The following SMC5 variants were observed in gnomAD, a reference collection of about 807,000 sequenced individuals.
SMC5 encodes structural maintenance of chromosomes 5.
Under a neutral mutation model 148.3 loss-of-function variants are expected in SMC5, and 88 were observed. The observed-to-expected ratio is 0.59, with a 90% confidence interval of 0.50 to 0.71. The LOEUF (loss-of-function observed/expected upper bound fraction) is 0.71, where lower values mean the gene tolerates loss of function less well. Among genes scored for constraint, SMC5 ranks in the 30% least tolerant of loss-of-function variants. SMC5 has a pLI of 0.00. For missense variants in SMC5, 1,142 were observed against 1,298.9 expected, an observed-to-expected ratio of 0.88 and a Z score of 1.86; for synonymous variants, 421 against 432.8, an observed-to-expected ratio of 0.97 and a Z score of 0.34.
intron 13 of SMC5, among the ~76,000 whole-genome samples, chr9:70,317,555 A>G (rs2035835557): frequency 6.6e-6 from 1 of 152,106 alleles, no homozygotes; most frequent in African/African-American, 2.4e-5. Context: ...AATATGTCTT[A>G]CTTCTTCACT....
Position 70,352,470 on chromosome 9 carries a change from T to C in SMC5, c.*139T>C, listed in dbSNP as rs1470116586. 2 of 814,310 alleles carry C rather than the reference T, an allele frequency of 2.5e-6. No individual in the cohort carries two copies. Among genetic ancestry groups the C allele is most frequent in the African/African-American group, 3.4e-5 (2 of 58,054 alleles). The allele number at this position is 814,310 out of a possible 1,614,324, so 50.4% of individuals were successfully genotyped here. A position where few individuals can be genotyped will look rare whatever the true frequency, so the allele number is the denominator to read the frequency against. ...CTGCTTTTAAATACAAATAGGTTGA[T>C]AATGGAAACTATAATGACCTTTCCA... On this transcript the variant is annotated 3_prime_UTR_variant, in exon 25 of 25. Coordinates refer to ENST00000361138, the MANE Select transcript of SMC5 (RefSeq NM_015110.4).
chr9:70,323,539 G>A lies in SMC5; in HGVS notation c.2207G>A (p.Ser736Asn). Residue 736 changes from serine to asparagine, a missense_variant, in exon 16 of 25, where the codon AGT (serine) becomes AAT (asparagine). Coordinates refer to ENST00000361138, the MANE Select transcript of SMC5 (RefSeq NM_015110.4). The stretch of plus-strand genomic sequence containing the variant: ...CTTGAAGAGGAAGAGCGAAAAGCAA[G>A]TACCAAAATCAAAGAAATAAATGTT... ...CNLEEEERKA[S>N]TKIKEINVQK... The A allele has an allele frequency of 6.2e-7, 1 of 1,612,388 alleles. No individual in the cohort carries two copies. The highest frequency in any genetic ancestry group is 8.5e-7 in the Non-Finnish European group (1 of 1,179,474).
intron 11 of SMC5, among the ~76,000 whole-genome samples, chr9:70,306,790 T>C (rs114086204): frequency 1.2e-3 from 181 of 152,324 alleles, no homozygotes; most frequent in African/African-American, 4.1e-3. Flanking sequence ...TTTTCATAGC[T>C]GCTCATCAGA....
chr9:70,259,275 G>C lies in SMC5; in HGVS notation c.185+12G>C, dbSNP rs766505091. ...ATGGAGAACTTCCTGTAAGTTGCCCGGAGGCCGCGCCGCGGGTGTGGAGGT... is the reference window on the plus strand; with the variant it reads ...ATGGAGAACTTCCTGTAAGTTGCCCCGAGGCCGCGCCGCGGGTGTGGAGGT... On this transcript the variant is annotated intron_variant, in intron 1 of 24. Coordinates refer to ENST00000361138, the MANE Select transcript of SMC5 (RefSeq NM_015110.4). 1 of 1,561,956 alleles carries C rather than the reference G, an allele frequency of 6.4e-7. No individual in the cohort carries two copies. The highest frequency in any genetic ancestry group is 8.7e-7 in the Non-Finnish European group (1 of 1,152,118).
At chr9:70,296,861 C>G (rs563633555) in intron 8 of SMC5, among the ~76,000 whole-genome samples, 9 of 152,112 alleles carry the variant, frequency 5.9e-5, no homozygotes, top group Admixed American at 3.9e-4. Flanking sequence ...AAAAATTTCA[C>G]TGACATCAAG....
At position 70,347,633 on chromosome 9, in the gene SMC5, AAG is replaced by A; in HGVS notation, c.2689_2690del (p.Glu897ArgfsTer8). 1 of 1,574,090 alleles carries A rather than the reference AAG, an allele frequency of 6.4e-7. No individual in the cohort carries two copies. The highest frequency in any genetic ancestry group is 8.6e-7 in the Non-Finnish European group (1 of 1,164,294). On this transcript the variant is annotated frameshift_variant, in exon 21 of 25. Coordinates refer to ENST00000361138, the MANE Select transcript of SMC5 (RefSeq NM_015110.4). LOFTEE classifies it high-confidence loss of function. ...NPTIVQEYTK[R>X]EEEIEQLTEE... Reference sequence around the variant, plus strand: ...GCCAGATTGTTCAGGAATATACAAAAAGAGAAGAAGAAATAGAACAGTTAACT... The same window carrying A: ...GCCAGATTGTTCAGGAATATACAAAAAGAAGAAGAAATAGAACAGTTAACT...
intron 8 of SMC5, among the ~76,000 whole-genome samples, chr9:70,295,445 TG>T (rs1339912194): frequency 7.4e-6 from 1 of 135,400 alleles, no homozygotes; most frequent in Non-Finnish European, 1.5e-5. Flanking sequence ...CACTCCAGCC[TG>T]GGTGACAGAG....
At chr9:70,277,162 T>C in intron 3 of SMC5, 148 bp from the exon 4 acceptor site, 2 of 570,052 alleles carry the variant, frequency 3.5e-6, no homozygotes, top group Non-Finnish European at 5.3e-6. Flanking sequence ...CAAAGTTTCC[T>C]TCTTGAGGGG....
chr9:70,354,191 T>A lies in SMC5; in HGVS notation c.*1860T>A, dbSNP rs1312158879. The A allele has an allele frequency of 6.6e-6, 1 of 152,376 alleles. No homozygotes were observed. The highest frequency in any genetic ancestry group is 2.1e-4 in the South Asian group (1 of 4,830). 9.4% of individuals were successfully genotyped at this position (152,376 alleles called of 1,614,324 possible). ...AAACAGTAGTAAGTCTAGCACATAG[T>A]CTCAGCCACTTAAAACAAAAGTTTT... is the stretch of plus-strand genomic sequence containing the variant. On this transcript the variant is annotated 3_prime_UTR_variant, in exon 25 of 25. Transcript: ENST00000361138.
chr9:70,283,633 T>C (rs1292938102), intron 7 of SMC5, among the ~76,000 whole-genome samples: 2 of 152,184 alleles, frequency 1.3e-5, no homozygotes, highest in African/African-American at 4.8e-5. Flanking sequence ...AACCTTTGTG[T>C]ACTGTATACC....
intron 6 of SMC5, 72 bp downstream of exon 6, chr9:70,280,971 T>G: frequency 6.6e-7 from 1 of 1,526,010 alleles, no homozygotes. Context: ...AAAGTATTAG[T>G]TACTGTGTAT....
chr9:70,296,670 G>A (rs2035210516), intron 8 of SMC5, among the ~76,000 whole-genome samples: 1 of 152,120 alleles, frequency 6.6e-6, no homozygotes, highest in Admixed American at 6.5e-5. Context: ...GGAAGGAGAG[G>A]AGTAAATCTG....
chr9:70,291,554 T>C (rs1338120249), intron 8 of SMC5, among the ~76,000 whole-genome samples: 1 of 152,182 alleles, frequency 6.6e-6, no homozygotes, highest in Non-Finnish European at 1.5e-5. Flanking sequence ...AAACCTCATA[T>C]GGTTTGGGGA....
chr9:70,333,131 A>C (rs1337555264), intron 17 of SMC5, among the ~76,000 whole-genome samples: 1 of 152,204 alleles, frequency 6.6e-6, no homozygotes, highest in Non-Finnish European at 1.5e-5. Context: ...CTCCAAACAC[A>C]ATCATCTTTA....
intron 5 of SMC5, among the ~76,000 whole-genome samples, chr9:70,279,817 CAAAA>C (rs561567100): frequency 8.8e-5 from 5 of 56,596 alleles, no homozygotes; most frequent in South Asian, 5.8e-4. Flanking sequence ...AACTCCGTTT[CAAAA>C]AAAAAAAAAA....
chr9:70,307,928 A>G (rs779451177), intron 11 of SMC5, among the ~76,000 whole-genome samples: 1 of 152,166 alleles, frequency 6.6e-6, no homozygotes, highest in Non-Finnish European at 1.5e-5. Flanking sequence ...TTTTTGCCAT[A>G]GTAAGATGTT....
chr9:70,282,508 G>A lies in SMC5; in HGVS notation c.906G>A (p.Gly302=). 2 of 1,608,838 alleles carry A rather than the reference G, an allele frequency of 1.2e-6. No homozygotes were observed. The highest frequency in any genetic ancestry group is 1.7e-6 in the Non-Finnish European group (2 of 1,178,220). The part of the protein sequence containing the change: ...VKEEVRKLKE[G]QIPVTCRIEE... ...AAGAGGTCAGAAAACTTAAAGAAGGGCAGATTCCTGTAACATGTCGAATTG... is the reference window on the plus strand; with the variant it reads ...AAGAGGTCAGAAAACTTAAAGAAGGACAGATTCCTGTAACATGTCGAATTG... Residue 302 remains glycine (G), a synonymous_variant, in exon 7 of 25, where the codon GGG becomes GGA. Coordinates refer to ENST00000361138, the MANE Select transcript of SMC5 (RefSeq NM_015110.4).
intron 3 of SMC5, among the ~76,000 whole-genome samples, chr9:70,275,530 C>G (rs1330128027): frequency 6.6e-6 from 1 of 151,946 alleles, no homozygotes; most frequent in Non-Finnish European, 1.5e-5. Flanking sequence ...TGAATCTGAT[C>G]TTAGTTTATT....
intron 3 of SMC5, among the ~76,000 whole-genome samples, chr9:70,271,946 G>A (rs2034461858): frequency 1.3e-5 from 2 of 152,214 alleles, no homozygotes; most frequent in South Asian, 4.1e-4. Flanking sequence ...CATTTATTCT[G>A]CATAAGCTGT....
Sources: gnomAD v4.1 joint callset for allele counts (sites outside exome capture counted in the v4.1 genomes callset) on GRCh38, gnomAD v4.1.1 for gene constraint, MANE v1.5 for transcripts, NCBI Gene and HGNC (gene_info 2026-07-23, HGNC 2026-07-21) for gene names.